CAMTA1: variants seen among roughly 807,000 people sequenced by gnomAD.
CAMTA1 encodes calmodulin binding transcription activator 1.
CAMTA1 carries 27 observed loss-of-function variants against 170.9 expected under a neutral mutation model. The ratio of observed to expected loss-of-function variants is 0.16; its 90% CI spans 0.12 to 0.22. CAMTA1 has a LOEUF of 0.22. CAMTA1 is among the 10% of genes least tolerant of loss of function. The probability of loss-of-function intolerance (pLI) is 1.00; values close to 1 mark genes in which losing one functional copy is unlikely to be tolerated. For synonymous variants in CAMTA1, 833 were observed against 891.5 expected (o/e 0.93, Z 1.17); for missense variants, 1,619 against 2,217.2 (o/e 0.73, Z 5.42).
chr1:7,313,913 A>G (rs1042255166), intron 5 of CAMTA1, among the ~76,000 whole-genome samples: 14 of 152,198 alleles, frequency 9.2e-5, no homozygotes, highest in Non-Finnish European at 1.5e-4. Flanking sequence ...GAGAGGGCAC[A>G]TCAGAGCTCT....
chr1:7,028,363 A>G (rs1702291856), intron 3 of CAMTA1, among the ~76,000 whole-genome samples: 1 of 152,142 alleles, frequency 6.6e-6, no homozygotes, highest in Non-Finnish European at 1.5e-5. Context: ...GCTGGTGGTC[A>G]GAGTGGACCT....
chr1:6,975,851 C>T lies in CAMTA1; in HGVS notation c.235-115453C>T, dbSNP rs771413448. The stretch of plus-strand genomic sequence containing the variant: ...CCCTTGGCAACCACCAATCTGCTTT[C>T]TATCTCTATGGATCTGCCTATTCTA... On this transcript the variant is annotated intron_variant, in intron 3 of 22. Transcript: ENST00000303635. 5.7e-4 allele frequency among the ~76,000 whole-genome samples: 87 copies of T among 152,222 alleles called. 1 individual carries two copies. Among genetic ancestry groups the T allele is most frequent in the Non-Finnish European group, 9.7e-4 (66 of 68,038 alleles).
chr1:7,392,532 G>C (rs908406880), intron 5 of CAMTA1, among the ~76,000 whole-genome samples: 1 of 147,994 alleles, frequency 6.8e-6, no homozygotes, highest in African/African-American at 2.5e-5. Flanking sequence ...TGGGATTACA[G>C]GCATGAGCCA....
rs1339807820 is a variant in CAMTA1 at position 7,456,178 on chromosome 1, AAGGGAGGGAGGAAAAATGGG to A, written c.439-11638_439-11619del. On this transcript the variant is annotated intron_variant, in intron 5 of 22. Coordinates refer to ENST00000303635, the MANE Select transcript of CAMTA1 (RefSeq NM_015215.4). The surrounding 1 kb of genome is among the most constrained non-coding windows in gnomAD (Gnocchi z 4.9). ...TGGAGGAAGGGAGGGAGGGAGATGG[AAGGGAGGGAGGAAAAATGGG>A]AGGGAGGGAGGAAGAATGGGAGAGA... Among the ~76,000 whole-genome samples the A allele has an allele frequency of 6.9e-6, 1 of 144,186 alleles. No individual in the cohort carries two copies. Among genetic ancestry groups the A allele is most frequent in the East Asian group, 2.2e-4 (1 of 4,484 alleles). The allele number at this position is 144,186 out of a possible 152,430, so 94.6% of individuals were successfully genotyped here. A position where few individuals can be genotyped will look rare whatever the true frequency, so the allele number is the denominator to read the frequency against.
At chr1:7,630,989 A>G (rs1405528144) in intron 6 of CAMTA1, among the ~76,000 whole-genome samples, 1 of 152,148 alleles carries the variant, frequency 6.6e-6, no homozygotes, top group African/African-American at 2.4e-5. Flanking sequence ...ATCCTTTAAT[A>G]GCTGCCAACT....
chr1:7,550,382 C>A (rs1468534641), intron 6 of CAMTA1, among the ~76,000 whole-genome samples: 5 of 151,902 alleles, frequency 3.3e-5, no homozygotes, highest in African/African-American at 1.2e-4. Flanking sequence ...TGGCCCTGAT[C>A]CAGAGTCCTG....
intron 5 of CAMTA1, among the ~76,000 whole-genome samples, chr1:7,363,520 C>G (rs2085720735): frequency 6.6e-6 from 1 of 152,042 alleles, no homozygotes. Context: ...TGTCTTCTGG[C>G]TTTCAGGATA....
intron 5 of CAMTA1, among the ~76,000 whole-genome samples, chr1:7,348,976 T>C (rs1438552205): frequency 6.6e-6 from 1 of 152,212 alleles, no homozygotes; most frequent in Non-Finnish European, 1.5e-5. Flanking sequence ...GTTATTACTC[T>C]GCTGTTTTCA....
intron 6 of CAMTA1, among the ~76,000 whole-genome samples, chr1:7,484,033 T>C (rs888291628): frequency 9.8e-5 from 15 of 152,328 alleles, no homozygotes; most frequent in African/African-American, 3.4e-4. Context: ...TAGGAAGTGC[T>C]CACTTCATTA....
chr1:7,507,028 ACT>A (rs2094126871), intron 6 of CAMTA1, among the ~76,000 whole-genome samples: 2 of 149,206 alleles, frequency 1.3e-5, no homozygotes, highest in South Asian at 2.1e-4. Context: ...CACACTCAAA[ACT>A]CATGCTCACA....
chr1:6,992,597 G>C (rs1696567088), intron 3 of CAMTA1, among the ~76,000 whole-genome samples: 1 of 152,194 alleles, frequency 6.6e-6, no homozygotes, highest in Admixed American at 6.5e-5. Context: ...TGGTTCTGCA[G>C]GCTGTACAGG....
rs926838410 is a variant in CAMTA1, at chr1:7,562,142, C to T, written c.511-78258C>T. Among the ~76,000 whole-genome samples, 5 of 152,178 alleles carry T rather than the reference C, an allele frequency of 3.3e-5. No individual in the cohort carries two copies. The highest frequency in any genetic ancestry group is 4.8e-5 in the African/African-American group (2 of 41,444). On this transcript the variant is annotated intron_variant, in intron 6 of 22. Coordinates refer to ENST00000303635, the MANE Select transcript of CAMTA1 (RefSeq NM_015215.4). The surrounding 1 kb of genome is among the most constrained non-coding windows in gnomAD (Gnocchi z 4.8). ...CTCCTGCCAGCCTCACTACCCGCAC[C>T]AGGATTCACGGGTTGCAGCTGCCCA...
At chr1:7,440,802 C>T (rs1056872758) in intron 5 of CAMTA1, among the ~76,000 whole-genome samples, 3 of 152,204 alleles carry the variant, frequency 2.0e-5, no homozygotes, top group Admixed American at 6.5e-5. Context: ...AGCTCTGCAC[C>T]CCTCGGTTTC....
chr1:6,944,895 GC>G (rs1445472601), intron 3 of CAMTA1, among the ~76,000 whole-genome samples: 2 of 152,172 alleles, frequency 1.3e-5, no homozygotes, highest in Non-Finnish European at 2.9e-5. Flanking sequence ...TTTAAGGTAG[GC>G]AAAGCTATGG....
At position 7,041,223 on chromosome 1, in the gene CAMTA1, G is replaced by A. The variant is rs773331022; in HGVS notation, c.235-50081G>A. On this transcript the variant is annotated intron_variant, in intron 3 of 22. Coordinates refer to ENST00000303635, the MANE Select transcript of CAMTA1 (RefSeq NM_015215.4). The surrounding 1 kb of genome is among the most constrained non-coding windows in gnomAD (Gnocchi z 5.1). ...GAGGCCCCACACGGCCCCGGAGCTG[G>A]AGCTTCTACCGAAGGGTTGCCCTCT... Among the ~76,000 whole-genome samples the A allele has an allele frequency of 6.6e-6, 1 of 152,246 alleles. No homozygotes were observed. Among genetic ancestry groups the A allele is most frequent in the Non-Finnish European group, 1.5e-5 (1 of 68,050 alleles).
intron 4 of CAMTA1, among the ~76,000 whole-genome samples, chr1:7,147,006 T>C (rs1646233669): frequency 6.6e-6 from 1 of 151,246 alleles, no homozygotes; most frequent in Non-Finnish European, 1.5e-5. Flanking sequence ...ACACACGCAC[T>C]CAAACATGCA....
intron 3 of CAMTA1, among the ~76,000 whole-genome samples, chr1:6,968,014 G>A (rs1004762520): frequency 2.0e-5 from 3 of 152,184 alleles, no homozygotes; most frequent in African/African-American, 7.2e-5. Context: ...TAGTAATAAT[G>A]CTTTAACTCG....
At chr1:7,362,638 A>G (rs2085635023) in intron 5 of CAMTA1, among the ~76,000 whole-genome samples, 1 of 146,572 alleles carries the variant, frequency 6.8e-6, no homozygotes, top group Admixed American at 6.8e-5. Flanking sequence ...AGAGTGAGTG[A>G]ACTTGGGTAG....
At chr1:6,816,509 G>C (rs1353428599) in intron 1 of CAMTA1, among the ~76,000 whole-genome samples, 1 of 152,194 alleles carries the variant, frequency 6.6e-6, no homozygotes, top group South Asian at 2.1e-4. Flanking sequence ...CTACTCTAAA[G>C]GTACCCTGTG....
Sources: gnomAD v4.1 joint callset for allele counts (sites outside exome capture counted in the v4.1 genomes callset) on GRCh38, gnomAD v4.1.1 for gene constraint, Gnocchi (gnomAD v3.1) non-coding constraint, MANE v1.5 for transcripts, NCBI Gene and HGNC (gene_info 2026-07-23, HGNC 2026-07-21) for gene names.